Variants in DOP1A observed in about 807,000 individuals in gnomAD.
DOP1A encodes DOP1 leucine zipper like protein A.
In DOP1A, 90 loss-of-function variants were observed where a neutral mutation model predicts 267.6. That is an observed-to-expected ratio of 0.34 (90% CI 0.28 to 0.40). DOP1A has a LOEUF of 0.40. Among genes scored for constraint, DOP1A ranks in the 10% least tolerant of loss-of-function variants. DOP1A has a pLI of 1.00. For missense variants in DOP1A, 2,437 were observed against 2,900.4 expected, an observed-to-expected ratio of 0.84 and a Z score of 3.67; for synonymous variants, 932 against 999.1, an observed-to-expected ratio of 0.93 and a Z score of 1.27.
rs947875091 is a variant in DOP1A, at chr6:83,122,857, T to C, written c.1221-6T>C. 2 of 1,456,476 alleles carry C rather than the reference T, an allele frequency of 1.4e-6. No individual in the cohort carries two copies. The highest frequency in any genetic ancestry group is 1.8e-6 in the Non-Finnish European group (2 of 1,101,506). 90.2% of individuals were successfully genotyped at this position (1,456,476 alleles called of 1,614,324 possible). On this transcript the variant is annotated splice_region_variant and splice_polypyrimidine_tract_variant and intron_variant, in intron 11 of 38. Transcript: ENST00000349129. Reference sequence around the variant, plus strand: ...TTAGTTTTTGTTTTCTTTTCTCTTTTTTCAGTAAATTAAGAGAAAATAAGA... The same window carrying C: ...TTAGTTTTTGTTTTCTTTTCTCTTTCTTCAGTAAATTAAGAGAAAATAAGA...
In DOP1A at chr6:83,110,218, G is replaced by A. The variant is rs1462302738; in HGVS notation, c.585G>A (p.Val195=). 4 of 1,613,860 alleles carry A rather than the reference G, an allele frequency of 2.5e-6. No homozygotes were observed. The highest frequency in any genetic ancestry group is 3.4e-6 in the Non-Finnish European group (4 of 1,179,962). ...LWGSLLTSPA[V]RLPGITYVLA... ...GTAGTCTTCTCACCAGTCCTGCTGT[G>A]CGTTTACCTGGAATCACGTATGTTC... Residue 195 remains valine (V), a synonymous_variant, in exon 6 of 39, where the codon GTG becomes GTA. Coordinates refer to ENST00000349129, the MANE Select transcript of DOP1A (RefSeq NM_015018.4).
Position 83,140,253 on chromosome 6 carries a change from T to G in DOP1A, c.5265T>G (p.Phe1755Leu). 1.2e-6 allele frequency: 2 copies of G among 1,613,196 alleles called. No individual in the cohort carries two copies. The highest frequency in any genetic ancestry group is 1.1e-5 in the South Asian group (1 of 91,002). Residue 1755 changes from phenylalanine (F) to leucine (L), a missense_variant, in exon 23 of 39, where the codon TTT becomes TTG. By Grantham distance (22) the Phe-to-Leu change is conservative. Transcript: ENST00000349129. ...TCAGTGTAGACCAGAAACACTTGTT[T>G]GAAGCACGCAGTGGAATCCTCTCAA... ...LLVSVDQKHL[F>L]EARSGILSIL...
chr6:83,170,464 T>G (rs759441649), downstream of DOP1A: 2 of 1,613,846 alleles, frequency 1.2e-6, no homozygotes, highest in South Asian at 1.1e-5. Flanking sequence ...TGCTAATAAC[T>G]CTCCTGTCTG....
downstream of DOP1A, chr6:83,170,749 CA>C (rs1786915441): frequency 7.1e-6 from 2 of 280,708 alleles, no homozygotes; most frequent in Non-Finnish European, 1.3e-5. Flanking sequence ...GACTAAGTCC[CA>C]TATCACACAC....
intron 27 of DOP1A, 122 bp from the exon 28 acceptor site, chr6:83,151,471 A>G: frequency 1.6e-6 from 1 of 629,192 alleles, no homozygotes; most frequent in Non-Finnish European, 2.6e-6. Flanking sequence ...ATGTATATAT[A>G]TTAAATATTT....
rs118129681 is a variant in DOP1A at position 83,131,120 on chromosome 6, G to A, written c.2616+723G>A. On this transcript the variant is annotated intron_variant, in intron 17 of 38. Coordinates refer to ENST00000349129, the MANE Select transcript of DOP1A (RefSeq NM_015018.4). The stretch of plus-strand genomic sequence containing the variant: ...ATATTGTCTCATTATCATCTGTGGC[G>A]TATAAAGTCACTCAGAAAAAAATTC... 6.7e-3 allele frequency among the ~76,000 whole-genome samples: 1,024 copies of A among 152,074 alleles called. 9 individuals carry two copies. The highest frequency in any genetic ancestry group is 0.015 in the South Asian group (70 of 4,818).
intron 6 of DOP1A, among the ~76,000 whole-genome samples, chr6:83,112,008 A>G (rs1040269906): frequency 6.6e-6 from 1 of 151,978 alleles, no homozygotes; most frequent in African/African-American, 2.4e-5. Context: ...TTTATTAGAA[A>G]CTGCCAAACT....
Position 83,138,456 on chromosome 6 carries a change from G to T in DOP1A, c.4414G>T (p.Val1472Phe), listed in dbSNP as rs1779159026. ...CATGCGTAGCCATTACCCAACTCAT[G>T]TCAAGGTTACTGCACAAGATTTAAT... Reference protein sequence around the residue: ...YYMRSHYPTHVKVTAQDLIGN... With the variant: ...YYMRSHYPTHFKVTAQDLIGN... The change falls in exon 21 of 39, where the codon GTC becomes TTC. Residue 1472 changes from valine to phenylalanine, a missense_variant. Val to Phe is a conservative substitution (Grantham distance 50, BLOSUM62 -1). Transcript: ENST00000349129. 3.1e-6 allele frequency: 5 copies of T among 1,612,658 alleles called. No homozygotes were observed. Among genetic ancestry groups the T allele is most frequent in the East Asian group, 4.5e-5 (2 of 44,862 alleles).
chr6:83,113,757 T>C (rs913881264), intron 7 of DOP1A, among the ~76,000 whole-genome samples: 1 of 152,220 alleles, frequency 6.6e-6, no homozygotes, highest in Admixed American at 6.5e-5. Flanking sequence ...TTATGTTATC[T>C]TGTTTTGGTG....
Position 83,110,165 on chromosome 6 carries a change from C to A in DOP1A, c.532C>A (p.Gln178Lys), listed in dbSNP as rs777089499. The stretch of plus-strand genomic sequence containing the variant: ...GGAAAAGGTTGCTGCTGCTGTGGAC[C>A]AGTCAGCATTCTACAGTGCCCTGTG... ...LLEKVAAAVD[Q>K]SAFYSALWGS... The change falls in exon 6 of 39, where the codon CAG becomes AAG. Residue 178 changes from glutamine (Q) to lysine (K), a missense_variant. Coordinates refer to ENST00000349129, the MANE Select transcript of DOP1A (RefSeq NM_015018.4). 6.2e-7 allele frequency: 1 copy of A among 1,611,040 alleles called. No individual in the cohort carries two copies. Among genetic ancestry groups the A allele is most frequent in the South Asian group, 1.1e-5 (1 of 90,316 alleles).
chr6:83,124,748 A>C lies in DOP1A; in HGVS notation c.1384A>C (p.Asn462His). Residue 462 changes from asparagine (N) to histidine (H), a missense_variant, in exon 13 of 39, where the codon AAT becomes CAT. By Grantham distance (68) the Asn-to-His change is moderately conservative (BLOSUM62 1). This residue lies in a region of DOP1A where 498 missense variants were observed against 513.5 expected (regional missense o/e 0.97). Transcript: ENST00000349129. ...ACTTCAGATTGGACCTGGAGATAGT[A>C]ATGACTCATCTGAATTACAGCTGAC... ...VRLQIGPGDS[N>H]DSSELQLTNF... is the part of the protein sequence containing the mutation. 1 of 1,613,236 alleles carries C rather than the reference A, an allele frequency of 6.2e-7. No individual in the cohort carries two copies. The highest frequency in any genetic ancestry group is 8.5e-7 in the Non-Finnish European group (1 of 1,179,560).
In DOP1A at chr6:83,119,139, G is replaced by A. The variant is rs1171848722; in HGVS notation, c.880+152G>A. The A allele has an allele frequency of 9.9e-6, 6 of 609,118 alleles. No individual in the cohort carries two copies. In the East Asian group the frequency reaches 1.7e-4, roughly 17 times the overall value. 37.7% of individuals were successfully genotyped at this position (609,118 alleles called of 1,614,324 possible). A position where few individuals can be genotyped will look rare whatever the true frequency, so the allele number is the denominator to read the frequency against. On this transcript the variant is annotated intron_variant, in intron 8 of 38. Transcript: ENST00000349129. Reference sequence around the variant, plus strand: ...TAAAAATATAAACAGTATTAGTTGTGTATTGTATGAAGAAATTTCAGCAGC... The same window carrying A: ...TAAAAATATAAACAGTATTAGTTGTATATTGTATGAAGAAATTTCAGCAGC...
intron 1 of DOP1A, among the ~76,000 whole-genome samples, chr6:83,080,563 A>G (rs73481101): frequency 6.6e-6 from 1 of 152,312 alleles, no homozygotes; most frequent in African/African-American, 2.4e-5. Flanking sequence ...CATACTGCTA[A>G]TCCAGCAAGA....
At position 83,070,668 on chromosome 6, in the gene DOP1A, T is replaced by C. The variant is rs188965816; in HGVS notation, c.-147+2889T>C. ...TAGCTCAAATGCCACCCTGTGAACC[T>C]TTTTTTGATTACCTCATTTTGAATT... On this transcript the variant is annotated intron_variant, in intron 1 of 38. Coordinates refer to ENST00000349129, the MANE Select transcript of DOP1A (RefSeq NM_015018.4). Among the ~76,000 whole-genome samples the C allele has an allele frequency of 3.3e-5, 5 of 152,264 alleles. No individual in the cohort carries two copies. The East Asian group carries it at 9.6e-4, about 29-fold the overall frequency.
chr6:83,110,087 A>C, intron 5 of DOP1A, 38 bp from the exon 6 acceptor site: 6 of 1,508,586 alleles, frequency 4.0e-6, no homozygotes, highest in Non-Finnish European at 4.4e-6. Context: ...TATGAAACTA[A>C]ATGTTTCCCT....
At chr6:83,152,859 C>G (rs1487373576) in intron 30 of DOP1A, among the ~76,000 whole-genome samples, 1 of 152,048 alleles carries the variant, frequency 6.6e-6, no homozygotes, top group Non-Finnish European at 1.5e-5. Context: ...CTCAGGTAAT[C>G]CGCCCACCTC....
chr6:83,159,927 C>T lies in DOP1A; in HGVS notation c.6929C>T (p.Ala2310Val), dbSNP rs1783841371. 9 of 1,614,106 alleles carry T rather than the reference C, an allele frequency of 5.6e-6. No homozygotes were observed. Among genetic ancestry groups the T allele is most frequent in the Non-Finnish European group, 7.6e-6 (9 of 1,180,018 alleles). ...SACKFLDLAL[A>V]LPSENLPQFQ... ...TGCAAATTTTTGGATTTGGCTCTCG[C>T]ATTGCCCTCTGAAAACCTTCCTCAG... Residue 2310 changes from alanine (A) to valine (V), a missense_variant, in exon 37 of 39, where the codon GCA becomes GTA. Physicochemically the swap from Ala to Val is moderately conservative, Grantham distance 64. Coordinates refer to ENST00000349129, the MANE Select transcript of DOP1A (RefSeq NM_015018.4).
intron 38 of DOP1A, chr6:83,167,576 TTA>T (rs1786074558): frequency 1.8e-6 from 2 of 1,100,400 alleles, no homozygotes; most frequent in South Asian, 4.2e-5. Context: ...CATAAAACTT[TTA>T]TGTTTGACTC....
At chr6:83,077,319 T>C (rs908193769) in intron 1 of DOP1A, among the ~76,000 whole-genome samples, 1 of 151,348 alleles carries the variant, frequency 6.6e-6, no homozygotes, top group Non-Finnish European at 1.5e-5. Flanking sequence ...CTGGGCAACA[T>C]AGCAAGACCC....
Sources: gnomAD v4.1 joint callset for allele counts (sites outside exome capture counted in the v4.1 genomes callset) on GRCh38, gnomAD v4.1.1 for gene constraint, gnomAD v4.1.1 regional missense constraint, MANE v1.5 for transcripts, NCBI Gene and HGNC (gene_info 2026-07-23, HGNC 2026-07-21) for gene names.